The following THRA variants were observed in gnomAD, a reference collection of about 807,000 sequenced individuals.
THRA encodes thyroid hormone receptor alpha, also known as EAR-7.
Under a neutral mutation model 45.0 loss-of-function variants are expected in THRA, and 13 were observed. The ratio of observed to expected loss-of-function variants is 0.29; its 90% CI spans 0.19 to 0.46. THRA has a LOEUF of 0.46. THRA is among the 20% of genes least tolerant of loss of function. The pLI, the probability that THRA is intolerant of heterozygous loss-of-function variation, is 1.00. For missense variants in THRA, 278 were observed against 556.1 expected (o/e 0.50, Z 5.03); for synonymous variants, 195 against 214.0 (o/e 0.91, Z 0.78).
intron 4 of THRA, among the ~76,000 whole-genome samples, chr17:40,083,171 C>T (rs1471482360): frequency 1.3e-5 from 2 of 151,776 alleles, no homozygotes; most frequent in African/African-American, 4.8e-5. Context: ...TTGTGATCCG[C>T]CTGCCTCAGC....
chr17:40,064,245 C>T (rs998208912), intron 1 of THRA, among the ~76,000 whole-genome samples: 2 of 152,164 alleles, frequency 1.3e-5, no homozygotes, highest in Admixed American at 6.5e-5. Context: ...CACATACCCA[C>T]GCACAGGGTC....
At chr17:40,084,104 G>A in intron 5 of THRA, 122 bp downstream of exon 5, 1 of 1,199,516 alleles carries the variant, frequency 8.3e-7, no homozygotes, top group South Asian at 1.7e-5. Flanking sequence ...TCCAGTCTAG[G>A]TCAGAATGTT....
intron 4 of THRA, among the ~76,000 whole-genome samples, chr17:40,080,115 A>G (rs1414585061): frequency 6.6e-6 from 1 of 151,936 alleles, no homozygotes. Context: ...TTTATATGTT[A>G]AAGGCCAGGT....
rs1311761314 is a variant in THRA, at chr17:40,091,384, C to G, written c.*1928C>G. Reference sequence around the variant, plus strand: ...GGTGGAGGGCCTGGAGGAGCACCCGCTGTCACCTGTGCATGTGCCTGTCCC... The same window carrying G: ...GGTGGAGGGCCTGGAGGAGCACCCGGTGTCACCTGTGCATGTGCCTGTCCC... On this transcript the variant is annotated 3_prime_UTR_variant, in exon 9 of 9. Transcript: ENST00000450525. The G allele has an allele frequency of 6.5e-6, 1 of 152,898 alleles. No homozygotes were observed. The highest frequency in any genetic ancestry group is 1.5e-5 in the Non-Finnish European group (1 of 68,586). The allele number at this position is 152,898 out of a possible 1,614,324, so 9.5% of individuals were successfully genotyped here. A position where few individuals can be genotyped will look rare whatever the true frequency, so the allele number is the denominator to read the frequency against.
At chr17:40,065,013 C>CGAAA (rs911428892) in intron 1 of THRA, among the ~76,000 whole-genome samples, 1 of 152,026 alleles carries the variant, frequency 6.6e-6, no homozygotes, top group African/African-American at 2.4e-5. Flanking sequence ...TCCCCTTTTT[C>CGAAA]CTCTAGGCTC....
At chr17:40,093,080 G>A (rs1232561745), downstream of THRA, 8 of 1,613,998 alleles carry the variant, frequency 5.0e-6, no homozygotes, top group Non-Finnish European at 4.2e-6. The surrounding 1 kb of genome is among the most constrained non-coding windows in gnomAD (Gnocchi z 5.9). Context: ...CCGGCCGGGC[G>A]GGTCACTGGG....
chr17:40,091,876 TG>T lies in THRA; in HGVS notation c.*2422del, dbSNP rs963246316. On this transcript the variant is annotated 3_prime_UTR_variant, in exon 9 of 9. Transcript: ENST00000450525. Reference sequence around the variant, plus strand: ...GCGGCAGCTGTCCCAGTCCCTGCTGTGGAAGTGGGGGACAGGGCCCTCTCCT... The same window carrying T: ...GCGGCAGCTGTCCCAGTCCCTGCTGTGAAGTGGGGGACAGGGCCCTCTCCT... 6.6e-6 allele frequency: 1 copy of T among 152,264 alleles called. No homozygotes were observed. The highest frequency in any genetic ancestry group is 2.4e-5 in the African/African-American group (1 of 41,340). The allele number at this position is 152,264 out of a possible 1,614,324, so 9.4% of individuals were successfully genotyped here.
rs1987226442 is a variant in THRA, at chr17:40,083,749, C to T, written c.223-86C>T. The T allele has an allele frequency of 5.4e-6, 8 of 1,494,846 alleles. No homozygotes were observed. In the Admixed American group the frequency reaches 1.1e-4, roughly 20 times the overall value. 92.6% of individuals were successfully genotyped at this position (1,494,846 alleles called of 1,614,324 possible). A position where few individuals can be genotyped will look rare whatever the true frequency, so the allele number is the denominator to read the frequency against. On this transcript the variant is annotated intron_variant, in intron 4 of 8. Transcript: ENST00000450525. ...CTGATCTTGCCTTCCTTGCTCTCCA[C>T]CCCTGACCCCTAGTAAACTGCATGG...
In THRA at chr17:40,090,348, C is replaced by T. The variant is rs1987487119; in HGVS notation, c.*892C>T. ...GCCACTCGTGCCCGCTGAGTTCCAT[C>T]TACCTCTCATGCTGGATGCCAGCTG... On this transcript the variant is annotated 3_prime_UTR_variant, in exon 9 of 9. Transcript: ENST00000450525. The T allele has an allele frequency of 6.6e-6, 1 of 152,438 alleles. No homozygotes were observed. The highest frequency in any genetic ancestry group is 6.6e-5 in the Admixed American group (1 of 15,244). The allele number at this position is 152,438 out of a possible 1,614,324, so 9.4% of individuals were successfully genotyped here. A position where few individuals can be genotyped will look rare whatever the true frequency, so the allele number is the denominator to read the frequency against.
intron 4 of THRA, among the ~76,000 whole-genome samples, chr17:40,080,827 C>G (rs1435383032): frequency 6.6e-6 from 1 of 150,692 alleles, no homozygotes; most frequent in Middle Eastern, 3.2e-3. Context: ...GGTTCAAGCA[C>G]TTGTCCTGCC....
chr17:40,077,697 CT>C (rs111429398), intron 4 of THRA, 89 bp downstream of exon 4: 46,810 of 785,360 alleles, frequency 0.06, 2 homozygotes, highest in East Asian at 0.079. Context: ...TAGGTCATCA[CT>C]TTTTTTTTTT....
chr17:40,083,565 A>G (rs1987221384), intron 4 of THRA, among the ~76,000 whole-genome samples: 1 of 152,202 alleles, frequency 6.6e-6, no homozygotes, highest in Admixed American at 6.5e-5. Flanking sequence ...TCCCAGGTTC[A>G]AAGCTGCCTG....
intron 4 of THRA, among the ~76,000 whole-genome samples, 160 bp from the exon 5 acceptor site, chr17:40,083,675 G>C (rs986454564): frequency 6.6e-6 from 1 of 152,140 alleles, no homozygotes; most frequent in African/African-American, 2.4e-5. Context: ...AGGTCCTTGA[G>C]CCTAGTAATC....
intron 1 of THRA, among the ~76,000 whole-genome samples, chr17:40,073,346 G>A (rs1240640483): frequency 2.0e-5 from 3 of 152,178 alleles, no homozygotes; most frequent in Admixed American, 6.5e-5. Flanking sequence ...GCTAGCATTA[G>A]GGCCAGGCTG....
intron 1 of THRA, among the ~76,000 whole-genome samples, chr17:40,069,279 CTCTCTGTCTCTG>C (rs550642817): frequency 6.7e-6 from 1 of 149,962 alleles, no homozygotes; most frequent in African/African-American, 2.5e-5. Flanking sequence ...CTGTCCCTGT[CTCTCTGTCTCTG>C]TCTCTGTCTC....
Position 40,089,574 on chromosome 17 carries a change from G to A in THRA, c.*118G>A. 1.4e-6 allele frequency: 2 copies of A among 1,469,354 alleles called. No homozygotes were observed. Among genetic ancestry groups the A allele is most frequent in the East Asian group, 2.5e-5 (1 of 40,588 alleles). 91.0% of individuals were successfully genotyped at this position (1,469,354 alleles called of 1,614,324 possible). ...CCTTCTCTCCTTCCTCTCGTCCTTG[G>A]ATAGATTCAGCTCCCACACACACAC... On this transcript the variant is annotated 3_prime_UTR_variant, in exon 9 of 9. Coordinates refer to ENST00000450525, the MANE Select transcript of THRA (RefSeq NM_199334.5). The surrounding 1 kb of genome is among the most constrained non-coding windows in gnomAD (Gnocchi z 6.1).
Position 40,074,441 on chromosome 17 carries a change from C to T in THRA, c.-48C>T. ...GTGCCGGGGGGGCCAGTGTGCCCAC[C>T]CCAGTCTCTTGGCGTGCTGGAGGGC... On this transcript the variant is annotated 5_prime_UTR_variant, in exon 2 of 9. Coordinates refer to ENST00000450525, the MANE Select transcript of THRA (RefSeq NM_199334.5). 1.2e-6 allele frequency: 2 copies of T among 1,611,272 alleles called. No individual in the cohort carries two copies. The highest frequency in any genetic ancestry group is 3.3e-5 in the Admixed American group (2 of 59,938).
chr17:40,073,271 G>A (rs1284966186), intron 1 of THRA, among the ~76,000 whole-genome samples: 4 of 152,174 alleles, frequency 2.6e-5, no homozygotes, highest in South Asian at 2.1e-4. Context: ...AGGGTCAGAG[G>A]TGCAATGCCG....
chr17:40,090,647 T>C lies in THRA; in HGVS notation c.*1191T>C, dbSNP rs546348914. On this transcript the variant is annotated 3_prime_UTR_variant, in exon 9 of 9. Coordinates refer to ENST00000450525, the MANE Select transcript of THRA (RefSeq NM_199334.5). ...GTTTCCCTGTTTCCCATCTGTCTTC[T>C]GGGCTCTCTCTAACCTCTGCCCTCC... The C allele has an allele frequency of 6.5e-6, 1 of 152,728 alleles. No homozygotes were observed. Among genetic ancestry groups the C allele is most frequent in the East Asian group, 1.9e-4 (1 of 5,198 alleles). The allele number at this position is 152,728 out of a possible 1,614,324, so 9.5% of individuals were successfully genotyped here.
Sources: allele counts gnomAD v4.1 joint callset (sites outside exome capture counted in the v4.1 genomes callset), GRCh38; gene constraint gnomAD v4.1.1; non-coding constraint Gnocchi (gnomAD v3.1); transcripts MANE v1.5; gene names NCBI Gene and HGNC (gene_info 2026-07-23, HGNC 2026-07-21).